Variants in CLVS1 observed in about 807,000 individuals in gnomAD.
CLVS1 encodes clavesin-1.
A neutral mutation model predicts 33.1 loss-of-function variants in CLVS1; 10 were observed. The ratio of observed to expected loss-of-function variants is 0.30; its 90% CI spans 0.19 to 0.51. CLVS1 has a LOEUF of 0.51. CLVS1 is among the 20% of genes least tolerant of loss of function. The probability of loss-of-function intolerance (pLI) is 0.97; values close to 1 mark genes in which losing one functional copy is unlikely to be tolerated. For synonymous variants in CLVS1, 163 were observed against 166.1 expected, an observed-to-expected ratio of 0.98 and a Z score of 0.14; for missense variants, 343 against 433.4, an observed-to-expected ratio of 0.79 and a Z score of 1.85.
the CLVS1 span, among the ~76,000 whole-genome samples, chr8:61,049,561 G>A: frequency 6.6e-6 from 1 of 152,126 alleles, no homozygotes; most frequent in African/African-American, 2.4e-5. Flanking sequence ...GGTCCAGTTG[G>A]AAACAAAATG....
the CLVS1 span, among the ~76,000 whole-genome samples, chr8:60,983,560 C>G: frequency 6.6e-6 from 1 of 152,162 alleles, no homozygotes; most frequent in Non-Finnish European, 1.5e-5. Flanking sequence ...AATTATTTCT[C>G]CATCCAAAGG....
chr8:61,409,236 G>A (rs758365027), intron 3 of CLVS1, among the ~76,000 whole-genome samples: 1 of 152,072 alleles, frequency 6.6e-6, no homozygotes, highest in Non-Finnish European at 1.5e-5. Flanking sequence ...TCAGCAAAAT[G>A]TTTCTACTTC....
the CLVS1 span, among the ~76,000 whole-genome samples, chr8:61,012,201 G>T: frequency 6.6e-6 from 1 of 151,878 alleles, no homozygotes; most frequent in Non-Finnish European, 1.5e-5. Context: ...CCTCTATCTG[G>T]AGTCTTCTCC....
intron 5 of CLVS1, 134 bp downstream of exon 5, chr8:61,458,676 C>T: frequency 4.8e-6 from 3 of 628,644 alleles, no homozygotes; most frequent in Non-Finnish European, 8.1e-6. Context: ...AATGCATTCT[C>T]AGCTGATTTC....
At chr8:61,320,956 ATTAAC>A (rs1811173857) in intron 2 of CLVS1, among the ~76,000 whole-genome samples, 1 of 152,110 alleles carries the variant, frequency 6.6e-6, no homozygotes. Flanking sequence ...TTTGTTTTCT[ATTAAC>A]TTAAAAATAA....
rs557776438 is a variant in CLVS1 at position 61,454,368 on chromosome 8, TGTG to T, written c.741+120_741+122del. ...CTCTCTTTCTCTCTTTATCTTTCACTGTGGTTTTTCTACAGCCCCTAAGCATTT... is the reference window on the plus strand; with the variant it reads ...CTCTCTTTCTCTCTTTATCTTTCACTGTTTTTCTACAGCCCCTAAGCATTT... On this transcript the variant is annotated intron_variant, in intron 4 of 5. Transcript: ENST00000325897. The T allele has an allele frequency of 2.3e-4, 186 of 812,570 alleles. 5 individuals are homozygous for T. In the South Asian group the frequency reaches 2.7e-3, roughly 12 times the overall value. The allele number at this position is 812,570 out of a possible 1,614,324, so 50.3% of individuals were successfully genotyped here.
rs112850603 is a variant in CLVS1 at position 61,068,979 on chromosome 8, T to C, written c.-243+11749T>C. 8.4e-3 allele frequency among the ~76,000 whole-genome samples: 1,284 copies of C among 152,332 alleles called. 17 individuals carry two copies. The highest frequency in any genetic ancestry group is 0.029 in the African/African-American group (1,220 of 41,564). On this transcript the variant is annotated intron_variant, in intron 1 of 2. Transcript: ENST00000522621. ...ACAGTGCAGACTGAGGAATTCTTTT[T>C]TTTTTAGATGGAGTTTCATTCTTGT... is the stretch of plus-strand genomic sequence containing the variant.
intron 2 of CLVS1, among the ~76,000 whole-genome samples, chr8:61,143,115 T>C (rs1372040705): frequency 6.6e-6 from 1 of 152,218 alleles, no homozygotes; most frequent in Non-Finnish European, 1.5e-5. Context: ...ATTGAAATCC[T>C]GAAACAGAAA....
At chr8:61,195,106 G>A (rs866515062) in intron 2 of CLVS1, among the ~76,000 whole-genome samples, 5 of 151,770 alleles carry the variant, frequency 3.3e-5, no homozygotes, top group African/African-American at 9.7e-5. Context: ...TTAGAAAAGA[G>A]GAAAGGCTGA....
At chr8:61,087,095 C>G (rs1010878788) in intron 1 of CLVS1, among the ~76,000 whole-genome samples, 1 of 152,120 alleles carries the variant, frequency 6.6e-6, no homozygotes, top group East Asian at 1.9e-4. Context: ...CCTCCAGCTC[C>G]GAAATCAAGA....
At chr8:61,338,729 C>T (rs1811895449) in intron 2 of CLVS1, among the ~76,000 whole-genome samples, 2 of 152,208 alleles carry the variant, frequency 1.3e-5, no homozygotes, top group South Asian at 4.1e-4. Context: ...TTCTCCCACA[C>T]TGAGGTCAGG....
chr8:61,305,328 T>C lies in CLVS1; in HGVS notation c.455+5046T>C, dbSNP rs576286901. On this transcript the variant is annotated intron_variant, in intron 2 of 5. Transcript: ENST00000325897. ...TTCTTTGTTCCCCCTTCATCCTCCC[T>C]TCCCACTCCCCTTCCCCTCTCTGAT... Among the ~76,000 whole-genome samples, 20 of 152,168 alleles carry C rather than the reference T, an allele frequency of 1.3e-4. No individual in the cohort carries two copies. The South Asian group carries it at 3.1e-3, about 24-fold the overall frequency.
At chr8:61,342,618 C>A (rs999823019) in intron 2 of CLVS1, among the ~76,000 whole-genome samples, 2 of 152,224 alleles carry the variant, frequency 1.3e-5, no homozygotes, top group African/African-American at 4.8e-5. Flanking sequence ...ATCCAGTTAA[C>A]CTTTGGCGAA....
At chr8:61,414,134 C>A (rs1176440659) in intron 3 of CLVS1, among the ~76,000 whole-genome samples, 1 of 152,184 alleles carries the variant, frequency 6.6e-6, no homozygotes, top group Non-Finnish European at 1.5e-5. Flanking sequence ...ATCTGGCTTC[C>A]TGCCCCAAAG....
chr8:61,252,214 T>TTTTGAGTGAGTTC (rs1434761926), intron 2 of CLVS1, among the ~76,000 whole-genome samples: 2 of 152,224 alleles, frequency 1.3e-5, no homozygotes, highest in Non-Finnish European at 2.9e-5. Context: ...AGTTTCCATG[T>TTTTGAGTGAGTTC]AGTTTTGTGG....
the CLVS1 span, among the ~76,000 whole-genome samples, chr8:61,014,186 C>T: frequency 6.8e-6 from 1 of 146,486 alleles, no homozygotes; most frequent in Admixed American, 7.0e-5. Context: ...ATTAAAATAT[C>T]ACTTGGTTAA....
intron 2 of CLVS1, among the ~76,000 whole-genome samples, chr8:61,149,653 A>G (rs1806490190): frequency 6.6e-6 from 1 of 152,056 alleles, no homozygotes; most frequent in African/African-American, 2.4e-5. Flanking sequence ...AAGTAGAAGC[A>G]GTGGATAGAG....
chr8:61,074,375 T>TATATATATATAA, intron 1 of CLVS1, among the ~76,000 whole-genome samples: 2 of 49,868 alleles, frequency 4.0e-5, no homozygotes, highest in African/African-American at 4.3e-4. Context: ...TATATATATA[T>TATATATATATAA]AAGTATATGT....
chr8:61,369,421 A>G (rs1260288687), intron 2 of CLVS1, among the ~76,000 whole-genome samples: 1 of 152,206 alleles, frequency 6.6e-6, no homozygotes, highest in Non-Finnish European at 1.5e-5. Context: ...AGTTATTACA[A>G]ACCATTTAAG....
Sources: gnomAD v4.1 joint callset for allele counts (sites outside exome capture counted in the v4.1 genomes callset) on GRCh38, gnomAD v4.1.1 for gene constraint, MANE v1.5 for transcripts, NCBI Gene and HGNC (gene_info 2026-07-23, HGNC 2026-07-21) for gene names.